Variants in PLD5 observed in about 807,000 individuals in gnomAD.
PLD5 encodes the protein phospholipase D family member 5, also known as inactive phospholipase D5.
Under a neutral mutation model 61.1 loss-of-function variants are expected in PLD5, and 36 were observed. That is an observed-to-expected ratio of 0.59 (90% CI 0.45 to 0.78). The LOEUF is 0.78. Ranked by LOEUF, PLD5 falls within the 30% of genes least tolerant of loss-of-function variation. PLD5 has a pLI of 0.00. For synonymous variants in PLD5, 243 were observed against 242.8 expected, an observed-to-expected ratio of 1.00 and a Z score of -0.01; for missense variants, 515 against 644.4, an observed-to-expected ratio of 0.80 and a Z score of 2.17.
intron 1 of PLD5, among the ~76,000 whole-genome samples, chr1:242,441,363 A>C (rs1666266022): frequency 6.6e-6 from 1 of 152,098 alleles, no homozygotes; most frequent in Non-Finnish European, 1.5e-5. Flanking sequence ...GAAAAAGGCT[A>C]GATTATAAAT....
intron 1 of PLD5, among the ~76,000 whole-genome samples, chr1:242,353,772 T>A (rs1660601764): frequency 6.6e-6 from 1 of 152,150 alleles, no homozygotes; most frequent in Non-Finnish European, 1.5e-5. Context: ...TATTTCCATA[T>A]ATTTGTGTCT....
intron 5 of PLD5, among the ~76,000 whole-genome samples, chr1:242,163,284 C>G (rs563771367): frequency 3.3e-5 from 5 of 151,942 alleles, no homozygotes; most frequent in Admixed American, 3.3e-4. Flanking sequence ...GCTGGGACTA[C>G]AGGCGCCCGC....
intron 2 of PLD5, among the ~76,000 whole-genome samples, chr1:242,334,372 A>T (rs543311722): frequency 6.6e-6 from 1 of 152,328 alleles, no homozygotes; most frequent in Admixed American, 6.5e-5. Flanking sequence ...ATGCATCAAC[A>T]ACTGAAGTTT....
intron 4 of PLD5, among the ~76,000 whole-genome samples, chr1:242,223,552 G>A (rs904166038): frequency 1.3e-5 from 2 of 151,740 alleles, no homozygotes; most frequent in African/African-American, 4.8e-5. Context: ...TGTAATGCTA[G>A]TAATTCCCAT....
chr1:242,230,983 T>C (rs1671261811), intron 4 of PLD5, among the ~76,000 whole-genome samples: 2 of 152,194 alleles, frequency 1.3e-5, no homozygotes, highest in South Asian at 4.1e-4. Flanking sequence ...TCTATAGGAA[T>C]GTTTGCTTTC....
chr1:242,462,124 GCTTTGCCAAAAATT>G (rs1667138267), intron 1 of PLD5, among the ~76,000 whole-genome samples: 1 of 152,030 alleles, frequency 6.6e-6, no homozygotes, highest in African/African-American at 2.4e-5. Context: ...GCTTTTGAGG[GCTTTGCCAAAAATT>G]CTTTGCCAAG....
At chr1:242,197,425 AC>A (rs1337261014) in intron 5 of PLD5, among the ~76,000 whole-genome samples, 3 of 151,950 alleles carry the variant, frequency 2.0e-5, no homozygotes, top group Non-Finnish European at 4.4e-5. Context: ...TTCTGTCTCC[AC>A]TCATAGTTGG....
upstream of PLD5, among the ~76,000 whole-genome samples, chr1:242,525,088 C>T (rs1174465937): frequency 6.6e-6 from 1 of 151,902 alleles, no homozygotes; most frequent in Admixed American, 6.6e-5. Flanking sequence ...TGCGCCTTCC[C>T]CCATTCTGAA....
chr1:242,321,645 G>T (rs2149188235), intron 2 of PLD5, among the ~76,000 whole-genome samples: 1 of 152,068 alleles, frequency 6.6e-6, no homozygotes, highest in Non-Finnish European at 1.5e-5. Context: ...TGCCAGCCAG[G>T]CCTCCTCTTC....
chr1:242,218,376 T>C (rs536030933), intron 5 of PLD5, among the ~76,000 whole-genome samples: 2 of 152,320 alleles, frequency 1.3e-5, no homozygotes, highest in Admixed American at 1.3e-4. Context: ...TCCAAAAAAA[T>C]TGTGTGACTT....
intron 5 of PLD5, among the ~76,000 whole-genome samples, chr1:242,130,840 A>G (rs772816656): frequency 6.6e-6 from 1 of 152,208 alleles, no homozygotes; most frequent in Non-Finnish European, 1.5e-5. Context: ...TCATCCTGAA[A>G]AAGCTGGATA....
chr1:242,192,851 G>A (rs1048011854), intron 5 of PLD5, among the ~76,000 whole-genome samples: 4 of 152,076 alleles, frequency 2.6e-5, no homozygotes, highest in African/African-American at 7.2e-5. Context: ...TCGGCCTACT[G>A]TATTGGTCTT....
chr1:242,492,349 TA>T (rs1279874274), intron 1 of PLD5, among the ~76,000 whole-genome samples: 7 of 145,696 alleles, frequency 4.8e-5, no homozygotes, highest in African/African-American at 1.0e-4. Flanking sequence ...CTGTCTCTAC[TA>T]AAAAAAAAAC....
chr1:242,293,584 A>G (rs1574679910), intron 2 of PLD5, among the ~76,000 whole-genome samples: 1 of 152,282 alleles, frequency 6.6e-6, no homozygotes, highest in East Asian at 1.9e-4. Context: ...AATGCTTCCC[A>G]CGCCCACTGG....
chr1:242,222,819 A>G (rs1057295484), intron 4 of PLD5, among the ~76,000 whole-genome samples: 14 of 152,228 alleles, frequency 9.2e-5, no homozygotes, highest in African/African-American at 3.4e-4. Flanking sequence ...CCCTCCAGCC[A>G]GAGCCTCTGC....
intron 4 of PLD5, among the ~76,000 whole-genome samples, chr1:242,228,075 T>C (rs1306103462): frequency 1.3e-5 from 2 of 152,232 alleles, no homozygotes; most frequent in South Asian, 2.1e-4. Flanking sequence ...TATTAGATTC[T>C]GAAGAGGTTT....
At chr1:242,461,015 C>T (rs1572190538) in intron 1 of PLD5, among the ~76,000 whole-genome samples, 2 of 152,168 alleles carry the variant, frequency 1.3e-5, no homozygotes, top group Middle Eastern at 6.8e-3. Context: ...GTGGCATGCA[C>T]CTGTAGTCCC....
At chr1:242,185,284 CCAA>C (rs912140960) in intron 5 of PLD5, among the ~76,000 whole-genome samples, 1 of 151,868 alleles carries the variant, frequency 6.6e-6, no homozygotes, top group Non-Finnish European at 1.5e-5. Flanking sequence ...CAGGGTGCTT[CCAA>C]CAACAACAAC....
chr1:242,321,258 GAA>G (rs1379582523), intron 2 of PLD5, among the ~76,000 whole-genome samples: 1 of 149,568 alleles, frequency 6.7e-6, no homozygotes, highest in Non-Finnish European at 1.5e-5. Flanking sequence ...AAAGGTTTAA[GAA>G]GAAAAAAAGC....
Sources: gnomAD v4.1 joint callset for allele counts (sites outside exome capture counted in the v4.1 genomes callset) on GRCh38, gnomAD v4.1.1 for gene constraint, MANE v1.5 for transcripts, NCBI Gene and HGNC (gene_info 2026-07-23, HGNC 2026-07-21) for gene names.